The following CDC42BPG variants were observed in gnomAD, a reference collection of about 807,000 sequenced individuals.
CDC42BPG encodes the protein CDC42 binding protein kinase gamma.
CDC42BPG carries 157 observed loss-of-function variants against 192.2 expected under a neutral mutation model. The ratio of observed to expected loss-of-function variants is 0.82; its 90% CI spans 0.72 to 0.93. The LOEUF is 0.93. Among genes scored for constraint, CDC42BPG ranks in the 40% least tolerant of loss-of-function variants. The pLI is 0.00. For missense variants in CDC42BPG, 1,992 were observed against 2,122.1 expected (o/e 0.94, Z 1.20); for synonymous variants, 981 against 918.5 (o/e 1.07, Z -1.23).
chr11:64,844,497 G>C lies in CDC42BPG; in HGVS notation c.73C>G (p.Leu25Val), dbSNP rs1430054926. 5.1e-6 allele frequency: 7 copies of C among 1,382,346 alleles called. No individual in the cohort carries two copies. In the East Asian group the frequency reaches 1.8e-4, roughly 36 times the overall value. The allele number at this position is 1,382,346 out of a possible 1,614,324, so 85.6% of individuals were successfully genotyped here. Residue 25 changes from leucine (L) to valine (V), a missense_variant, in exon 1 of 37, where the codon CTC becomes GTC. By Grantham distance (32) the Leu-to-Val change is conservative (BLOSUM62 1). Around this residue, in one of 2 missense-constraint regions of CDC42BPG, gnomAD observed 1,656 missense variants for 1,844.3 expected, o/e 0.90. Transcript: ENST00000342711. The stretch of plus-strand genomic sequence containing the variant: ...TGCAGCGCCAGCAGCAGATCTAGGA[G>C]GCCGTCGAGCCCCGGGCAGCCGCCG... ...EAGGCPGLDG[L>V]LDLLLALHHE...
At chr11:64,825,762 C>T (rs1942389954) in intron 36 of CDC42BPG, among the ~76,000 whole-genome samples, 1 of 152,050 alleles carries the variant, frequency 6.6e-6, no homozygotes, top group African/African-American at 2.4e-5. Flanking sequence ...TGGACTGGGC[C>T]TCTATTAAGA....
chr11:64,832,908 G>C lies in CDC42BPG; in HGVS notation c.2783C>G (p.Pro928Arg), dbSNP rs867829277. Residue 928 changes from proline to arginine, a missense_variant, in exon 25 of 37, where the codon CCC becomes CGC. By Grantham distance (103) the Pro-to-Arg change is moderately radical (BLOSUM62 -2). Coordinates refer to ENST00000342711, the MANE Select transcript of CDC42BPG (RefSeq NM_017525.3). The stretch of plus-strand genomic sequence containing the variant: ...TGTGCGGAGGAGGTCAGGGGGCACG[G>C]GGCAGGGTGGGGCCTGTGGGGCACA... ...TTCAPQAPPC[P>R]VPPDLLRTAL... is the part of the protein sequence containing the mutation. 2 of 1,549,096 alleles carry C rather than the reference G, an allele frequency of 1.3e-6. No homozygotes were observed. Among genetic ancestry groups the C allele is most frequent in the African/African-American group, 2.7e-5 (2 of 72,968 alleles).
chr11:64,836,719 G>GGGGGGGGGGGGGAA lies in CDC42BPG; in HGVS notation c.1384+19_1384+20insTTCCCCCCCCCCCC, dbSNP rs1943025878. On this transcript the variant is annotated intron_variant, in intron 11 of 36. Coordinates refer to ENST00000342711, the MANE Select transcript of CDC42BPG (RefSeq NM_017525.3). Reference sequence around the variant, plus strand: ...GGGACTCAGCCCTGGGGGGGGGGGGGGGGTGGGCGGAAGGGATACCTGGCA... The same window carrying GGGGGGGGGGGGGAA: ...GGGACTCAGCCCTGGGGGGGGGGGGGGGGGGGGGGGGGAAGGGTGGGCGGAAGGGATACCTGGCA... 7.1e-6 allele frequency: 6 copies of GGGGGGGGGGGGGAA among 842,180 alleles called. No individual in the cohort carries two copies. The highest frequency in any genetic ancestry group is 4.0e-5 in the African/African-American group (2 of 50,218). The allele number at this position is 842,180 out of a possible 1,614,324, so 52.2% of individuals were successfully genotyped here.
rs1467091249 is a variant in CDC42BPG at position 64,844,478 on chromosome 11, G to A, written c.92C>T (p.Ala31Val). The A allele has an allele frequency of 6.2e-6, 9 of 1,444,356 alleles. No homozygotes were observed. Among genetic ancestry groups the A allele is most frequent in the South Asian group, 1.4e-5 (1 of 72,680 alleles). The allele number at this position is 1,444,356 out of a possible 1,614,324, so 89.5% of individuals were successfully genotyped here. Reference protein sequence around the residue: ...GLDGLLDLLLALHHELSSGPL... With the variant: ...GLDGLLDLLLVLHHELSSGPL... ...GCCGCTGCTGAGCTCGTGGTGCAGC[G>A]CCAGCAGCAGATCTAGGAGGCCGTC... The change falls in exon 1 of 37, where the codon GCG becomes GTG. Residue 31 changes from alanine to valine, a missense_variant. By Grantham distance (64) the Ala-to-Val change is moderately conservative. Coordinates refer to ENST00000342711, the MANE Select transcript of CDC42BPG (RefSeq NM_017525.3).
chr11:64,833,868 G>T, intron 21 of CDC42BPG, 32 bp from the exon 22 acceptor site: 1 of 1,614,132 alleles, frequency 6.2e-7, no homozygotes, highest in Non-Finnish European at 8.5e-7. Flanking sequence ...GCAAAGTCAA[G>T]GTCCCTGTGC....
At position 64,838,787 on chromosome 11, in the gene CDC42BPG, A is replaced by G; in HGVS notation, c.992T>C (p.Phe331Ser). ...ERLGRGGLDD[F>S]RNHPFFEGVD... ...GCCTTCGAAGAAAGGATGGTTCCGG[A>G]AGTCATCCAGCCCACCACGGCCTAG... Residue 331 changes from phenylalanine (F) to serine (S), a missense_variant, in exon 8 of 37, where the codon TTC becomes TCC. Transcript: ENST00000342711. The G allele has an allele frequency of 6.2e-7, 1 of 1,612,838 alleles. No homozygotes were observed. Among genetic ancestry groups the G allele is most frequent in the Non-Finnish European group, 8.5e-7 (1 of 1,180,016 alleles).
At chr11:64,833,568 C>T (rs779164106) in intron 23 of CDC42BPG, 32 bp downstream of exon 23, 7 of 1,578,670 alleles carry the variant, frequency 4.4e-6, no homozygotes, top group South Asian at 1.2e-5. Flanking sequence ...CTGCTTGGTG[C>T]CCCCACCCTG....
chr11:64,836,010 G>A lies in CDC42BPG; in HGVS notation c.1668+107C>T. On this transcript the variant is annotated intron_variant, in intron 13 of 36. Coordinates refer to ENST00000342711, the MANE Select transcript of CDC42BPG (RefSeq NM_017525.3). Reference sequence around the variant, plus strand: ...GCCACCATCCCCTGGCCTAGCCTCTGCCAGCTACAACCGGGAGGCAGCATC... The same window carrying A: ...GCCACCATCCCCTGGCCTAGCCTCTACCAGCTACAACCGGGAGGCAGCATC... 7.2e-7 allele frequency: 1 copy of A among 1,385,214 alleles called. No individual in the cohort carries two copies. Among genetic ancestry groups the A allele is most frequent in the Non-Finnish European group, 9.8e-7 (1 of 1,024,554 alleles). 85.8% of individuals were successfully genotyped at this position (1,385,214 alleles called of 1,614,324 possible).
Position 64,838,777 on chromosome 11 carries a change from A to G in CDC42BPG, c.1002T>C (p.His334=). 6.2e-7 allele frequency: 1 copy of G among 1,612,890 alleles called. No homozygotes were observed. The highest frequency in any genetic ancestry group is 8.5e-7 in the Non-Finnish European group (1 of 1,180,026). Residue 334 remains histidine (H), a synonymous_variant, in exon 8 of 37, where the codon CAT becomes CAC. Transcript: ENST00000342711. ...GRGGLDDFRN[H]PFFEGVDWER... is the part of the protein sequence containing the mutation. ...CCCAGTCCACGCCTTCGAAGAAAGG[A>G]TGGTTCCGGAAGTCATCCAGCCCAC...
chr11:64,827,734 C>T lies in CDC42BPG; in HGVS notation c.4017G>A (p.Val1339=). 1.2e-6 allele frequency: 2 copies of T among 1,613,422 alleles called. No homozygotes were observed. The highest frequency in any genetic ancestry group is 1.7e-4 in the Middle Eastern group (1 of 6,058). The change falls in exon 31 of 37, where the codon GTG becomes GTA. Residue 1339 remains valine, a synonymous_variant. Transcript: ENST00000342711. ...LTVFSENSID[V]FDVRRAEWVQ... ...CCCATTCTGCCCTCCTCACGTCAAA[C>T]ACATCGATGGAGTTCTCGCTGAACA...
At chr11:64,830,804 G>A (rs1424677645) in intron 28 of CDC42BPG, among the ~76,000 whole-genome samples, 1 of 152,228 alleles carries the variant, frequency 6.6e-6, no homozygotes, top group Non-Finnish European at 1.5e-5. Context: ...CACAAGTGAA[G>A]CTCTTCGCAG....
chr11:64,844,213 G>A (rs561094428), intron 1 of CDC42BPG, among the ~76,000 whole-genome samples, 197 bp downstream of exon 1: 2 of 152,118 alleles, frequency 1.3e-5, no homozygotes, highest in Non-Finnish European at 2.9e-5. Context: ...GAGCGTGTGT[G>A]AGAATTGGAG....
rs778893381 is a variant in CDC42BPG, at chr11:64,838,749, G to A, written c.1030C>T (p.Arg344Trp). The A allele has an allele frequency of 8.1e-6, 13 of 1,612,990 alleles. No individual in the cohort carries two copies. Among genetic ancestry groups the A allele is most frequent in the East Asian group, 2.2e-5 (1 of 44,890 alleles). Residue 344 changes from arginine (R) to tryptophan (W), a missense_variant, in exon 8 of 37, where the codon CGG (arginine) becomes TGG (tryptophan). By Grantham distance (101) the Arg-to-Trp change is moderately radical. This residue lies in a region of CDC42BPG where 1,656 missense variants were observed against 1,844.3 expected (regional missense o/e 0.90). Coordinates refer to ENST00000342711, the MANE Select transcript of CDC42BPG (RefSeq NM_017525.3). ...HPFFEGVDWE[R>W]LASSTAPYIP... ...TAGGGGGCCGTGCTGCTCGCCAGCC[G>A]CTCCCAGTCCACGCCTTCGAAGAAA... is the stretch of plus-strand genomic sequence containing the variant.
rs1403640559 is a variant in CDC42BPG at position 64,838,859 on chromosome 11, C to T, written c.920G>A (p.Ser307Asn). The change falls in exon 8 of 37, where the codon AGC becomes AAC. Residue 307 changes from serine (S) to asparagine (N), a missense_variant. Ser to Asn is a conservative substitution (Grantham distance 46, BLOSUM62 1). Coordinates refer to ENST00000342711, the MANE Select transcript of CDC42BPG (RefSeq NM_017525.3). ...FPPDVPDVPA[S>N]AQDLIRQLLC... ...CAGCTGGCGGATCAGGTCTTGGGCG[C>T]TGGCTGGCACGTCAGGCACGTCCGG... The T allele has an allele frequency of 1.9e-6, 3 of 1,610,768 alleles. No homozygotes were observed. The highest frequency in any genetic ancestry group is 2.5e-6 in the Non-Finnish European group (3 of 1,179,682).
At position 64,841,647 on chromosome 11, in the gene CDC42BPG, G is replaced by A. The variant is rs769238875; in HGVS notation, c.336+3C>T. 3.1e-6 allele frequency: 5 copies of A among 1,610,666 alleles called. No individual in the cohort carries two copies. Among genetic ancestry groups the A allele is most frequent in the South Asian group, 1.1e-5 (1 of 91,002 alleles). On this transcript the variant is annotated splice_donor_region_variant and intron_variant, in intron 3 of 36. Transcript: ENST00000342711. The stretch of plus-strand genomic sequence containing the variant: ...CCAAGGGCCCCCCAGACTCCACACT[G>A]ACCTCAGCCCTCTTCAGCATCTCCC...
chr11:64,829,684 G>A lies in CDC42BPG; in HGVS notation c.3754C>T (p.Leu1252Phe), dbSNP rs762276495. The change falls in exon 30 of 37, where the codon CTC (leucine) becomes TTC (phenylalanine). Residue 1252 changes from leucine to phenylalanine, a missense_variant. Around this residue, in one of 2 missense-constraint regions of CDC42BPG, gnomAD observed 1,656 missense variants for 1,844.3 expected, o/e 0.90. Coordinates refer to ENST00000342711, the MANE Select transcript of CDC42BPG (RefSeq NM_017525.3). ...AGCGCCAACGGCGCAGCCTCGTTGA[G>A]CAGCGGGTAGAGTGCAAAGCCACCG... ...AAGGFALYPL[L>F]NEAAPLALGA... is the part of the protein sequence containing the mutation. 2 of 1,611,572 alleles carry A rather than the reference G, an allele frequency of 1.2e-6. No individual in the cohort carries two copies. Among genetic ancestry groups the A allele is most frequent in the Admixed American group, 1.7e-5 (1 of 59,850 alleles).
chr11:64,839,259 G>A (rs375389338), intron 6 of CDC42BPG, 26 bp from the exon 7 acceptor site: 1 of 1,612,354 alleles, frequency 6.2e-7, no homozygotes, highest in Non-Finnish European at 8.5e-7. Flanking sequence ...GTGAAGCCAT[G>A]AGGACAGCTT....
In CDC42BPG at chr11:64,833,265, C is replaced by A; in HGVS notation, c.2697G>T (p.Met899Ile). ...PTKCLRCTSL[M>I]LGLGRQGLGC... ...CCAGGCCCTGGCGGCCCAGGCCCAG[C>A]ATCAGCGAGGTGCAGCGGAGACACT... Residue 899 changes from methionine to isoleucine, a missense_variant, in exon 24 of 37, where the codon ATG becomes ATT. This residue lies in a region of CDC42BPG where 1,656 missense variants were observed against 1,844.3 expected (regional missense o/e 0.90). Coordinates refer to ENST00000342711, the MANE Select transcript of CDC42BPG (RefSeq NM_017525.3). The A allele has an allele frequency of 6.5e-7, 1 of 1,548,870 alleles. No individual in the cohort carries two copies. The highest frequency in any genetic ancestry group is 8.7e-7 in the Non-Finnish European group (1 of 1,146,646).
Position 64,829,507 on chromosome 11 carries a change from G to T in CDC42BPG, c.3931C>A (p.His1311Asn). ...GGCGCTGCTGGCCACAACAGCTCGT[G>T]GCCACGAGACTTGCGGCCTGCGCCA... ...VDGAGRKSRG[H>N]ELLWPAAPMG... is the part of the protein sequence containing the mutation. The change falls in exon 30 of 37, where the codon CAC (histidine) becomes AAC (asparagine). Residue 1311 changes from histidine to asparagine, a missense_variant. Transcript: ENST00000342711. The T allele has an allele frequency of 6.2e-7, 1 of 1,612,962 alleles. No individual in the cohort carries two copies. Among genetic ancestry groups the T allele is most frequent in the Non-Finnish European group, 8.5e-7 (1 of 1,179,944 alleles).
Sources: allele counts gnomAD v4.1 joint callset (sites outside exome capture counted in the v4.1 genomes callset), GRCh38; gene constraint gnomAD v4.1.1; regional missense constraint gnomAD v4.1.1; transcripts MANE v1.5; gene names NCBI Gene and HGNC (gene_info 2026-07-23, HGNC 2026-07-21).